The following RIOX2 variants were observed in gnomAD, a reference collection of about 807,000 sequenced individuals.
The protein encoded by RIOX2 is 60S ribosomal protein L27a histidine hydroxylase.
A neutral mutation model predicts 51.2 loss-of-function variants in RIOX2; 43 were observed. The observed-to-expected ratio is 0.84, with a 90% CI of 0.66 to 1.08. The LOEUF (loss-of-function observed/expected upper bound fraction) is 1.08, where lower values mean the gene tolerates loss of function less well. RIOX2 is among the 50% of genes least tolerant of loss of function. The pLI, the probability that RIOX2 is intolerant of heterozygous loss-of-function variation, is 0.00. For missense variants in RIOX2, 566 were observed against 561.7 expected, an observed-to-expected ratio of 1.01 and a Z score of -0.08; for synonymous variants, 226 against 218.5, an observed-to-expected ratio of 1.03 and a Z score of -0.30.
intron 8 of RIOX2, among the ~76,000 whole-genome samples, chr3:97,946,335 T>C (rs1239453619): frequency 6.6e-6 from 1 of 151,930 alleles, no homozygotes; most frequent in Admixed American, 6.6e-5. Flanking sequence ...TCCTGAGAAA[T>C]ACCAGCTGTG....
rs1460200073 is a variant in RIOX2 at position 97,942,463 on chromosome 3, C to T, written c.*2721G>A. The T allele has an allele frequency of 6.3e-7, 1 of 1,591,060 alleles. No homozygotes were observed. Reference sequence around the variant, plus strand: ...TTAAAGGTGGGCCTTTGATGATACCCAATGTTGTGTCCCTGGATATTAGTT... The same window carrying T: ...TTAAAGGTGGGCCTTTGATGATACCTAATGTTGTGTCCCTGGATATTAGTT... On this transcript the variant is annotated 3_prime_UTR_variant, in exon 10 of 10. Transcript: ENST00000394198.
chr3:97,967,429 G>A lies in RIOX2; in HGVS notation c.165C>T (p.Phe55=). The part of the protein sequence containing the change: ...LISPIKTETF[F]KEFWEQKPLL... The stretch of plus-strand genomic sequence containing the variant: ...GGGGCTTCTGCTCCCAGAATTCCTT[G>A]AAAAAAGTCTCTGTCTTGATGGGCG... Residue 55 remains phenylalanine (F), a synonymous_variant, in exon 2 of 10, where the codon TTC becomes TTT. Coordinates refer to ENST00000394198, the MANE Select transcript of RIOX2 (RefSeq NM_153182.4). 1.2e-6 allele frequency: 2 copies of A among 1,613,870 alleles called. No homozygotes were observed. Among genetic ancestry groups the A allele is most frequent in the Non-Finnish European group, 1.7e-6 (2 of 1,179,958 alleles).
intron 4 of RIOX2, 78 bp from the exon 5 acceptor site, chr3:97,954,573 A>C: frequency 8.4e-7 from 1 of 1,195,658 alleles, no homozygotes. Context: ...GGAGATAAAT[A>C]TGGGCTTTGA....
chr3:97,947,425 C>T lies in RIOX2; in HGVS notation c.1085G>A (p.Ser362Asn). 1.2e-6 allele frequency: 2 copies of T among 1,613,476 alleles called. No homozygotes were observed. Among genetic ancestry groups the T allele is most frequent in the Non-Finnish European group, 1.7e-6 (2 of 1,179,532 alleles). The change falls in exon 8 of 10, where the codon AGT (serine) becomes AAT (asparagine). Residue 362 changes from serine (S) to asparagine (N), a missense_variant. Transcript: ENST00000394198. ...GTCTTTAAACTGCAGTCTCACTACA[C>T]TGTCCAGCCTCGGTAACTTTCCACC... ...TPGGKLPRLDSVVRLQFKDHI... is the reference protein window; with the variant it reads ...TPGGKLPRLDNVVRLQFKDHI...
At position 97,950,906 on chromosome 3, in the gene RIOX2, G is replaced by C. The variant is rs769424893; in HGVS notation, c.786-18C>G. ...CCCATGAACTAGGATATGCACCAAGGGGGAAAAAAAAACCAAAACAGTGAG... is the reference window on the plus strand; with the variant it reads ...CCCATGAACTAGGATATGCACCAAGCGGGAAAAAAAAACCAAAACAGTGAG... On this transcript the variant is annotated intron_variant, in intron 5 of 9. Coordinates refer to ENST00000394198, the MANE Select transcript of RIOX2 (RefSeq NM_153182.4). The C allele has an allele frequency of 5.7e-6, 9 of 1,590,446 alleles. No homozygotes were observed. The South Asian group carries it at 1.0e-4, about 18-fold the overall frequency.
chr3:97,960,996 A>T (rs952232641), intron 3 of RIOX2, among the ~76,000 whole-genome samples: 2 of 152,216 alleles, frequency 1.3e-5, no homozygotes, highest in Non-Finnish European at 2.9e-5. Flanking sequence ...GGGACTTTTT[A>T]CCAATAACTC....
chr3:97,967,727 C>G (rs1039534523), intron 1 of RIOX2, 95 bp from the exon 2 acceptor site: 12 of 874,388 alleles, frequency 1.4e-5, no homozygotes, highest in Middle Eastern at 2.5e-4. Flanking sequence ...ATGACCATTA[C>G]ACCTTCGTGA....
intron 4 of RIOX2, among the ~76,000 whole-genome samples, chr3:97,955,273 G>A (rs2107159888): frequency 6.6e-6 from 1 of 152,044 alleles, no homozygotes; most frequent in South Asian, 2.1e-4. Context: ...CATTTTCTTG[G>A]GCAGCTGAGC....
At chr3:97,961,809 C>G (rs779046887) in intron 2 of RIOX2, 101 bp from the exon 3 acceptor site, 40 of 1,277,338 alleles carry the variant, frequency 3.1e-5, no homozygotes, top group Non-Finnish European at 4.0e-5. Context: ...GAAGTCTTTA[C>G]TGCACAACTA....
chr3:97,967,036 C>T, intron 2 of RIOX2, 126 bp downstream of exon 2: 2 of 951,278 alleles, frequency 2.1e-6, no homozygotes, highest in Admixed American at 4.5e-5. Context: ...CAAAGAGGTG[C>T]TACCCCTTCT....
chr3:97,947,125 C>T (rs559602531), intron 8 of RIOX2, among the ~76,000 whole-genome samples: 36 of 152,094 alleles, frequency 2.4e-4, no homozygotes, highest in African/African-American at 7.7e-4. Flanking sequence ...AAGCAAAGAC[C>T]AGACATTAAT....
At chr3:97,951,415 C>T (rs959973439) in intron 5 of RIOX2, among the ~76,000 whole-genome samples, 1 of 152,066 alleles carries the variant, frequency 6.6e-6, no homozygotes, top group African/African-American at 2.4e-5. Flanking sequence ...AAATATCTAC[C>T]ATCAATAATT....
In RIOX2 at chr3:97,961,607, G is replaced by A; in HGVS notation, c.534C>T (p.Pro178=). 3.1e-6 allele frequency: 5 copies of A among 1,603,716 alleles called. No individual in the cohort carries two copies. Among genetic ancestry groups the A allele is most frequent in the Non-Finnish European group, 4.2e-6 (5 of 1,177,382 alleles). ...CTCTTACCTCGACATCATCATAATG[G>A]GGCGGCAGGCCCTGAGATCCTGCGG... The part of the protein sequence containing the change: ...ITPAGSQGLP[P]HYDDVEVFIL... The change falls in exon 3 of 10, where the codon CCC becomes CCT. Residue 178 remains proline (P), a synonymous_variant. Transcript: ENST00000394198.
rs1485093038 is a variant in RIOX2 at position 97,949,880 on chromosome 3, A to G, written c.1024T>C (p.Tyr342His). The change falls in exon 7 of 10, where the codon TAC becomes CAC. Residue 342 changes from tyrosine to histidine, a missense_variant. By Grantham distance (83) the Tyr-to-His change is moderately conservative. Coordinates refer to ENST00000394198, the MANE Select transcript of RIOX2 (RefSeq NM_153182.4). ...KDFIMHRLPP[Y>H]SAGDGAELST... ...AGCTCTGCCCCATCTCCCGCAGAGT[A>G]AGGGGGGAGTCTGTGCATAATAAAA... 1.9e-6 allele frequency: 3 copies of G among 1,613,556 alleles called. No individual in the cohort carries two copies. Among genetic ancestry groups the G allele is most frequent in the Middle Eastern group, 3.3e-4 (2 of 6,026 alleles).
intron 4 of RIOX2, among the ~76,000 whole-genome samples, chr3:97,955,147 A>G (rs906202039): frequency 2.0e-5 from 3 of 152,108 alleles, no homozygotes; most frequent in Non-Finnish European, 2.9e-5. Context: ...TCTTTCCCAG[A>G]GCCTACCCTA....
In RIOX2 at chr3:97,954,397, C is replaced by G; in HGVS notation, c.780G>C (p.Gln260His). The change falls in exon 5 of 10, where the codon CAG becomes CAC. Residue 260 changes from glutamine (Q) to histidine (H), a missense_variant. Coordinates refer to ENST00000394198, the MANE Select transcript of RIOX2 (RefSeq NM_153182.4). ...AGCTGGGAGGCAGTGTTTACTTGTT[C>G]TGGTAGGTGCTGATGGTCACGTGAG... ...HSTHVTISTY[Q>H]NNSWGDFLLD... The G allele has an allele frequency of 6.2e-7, 1 of 1,611,436 alleles. No individual in the cohort carries two copies. The highest frequency in any genetic ancestry group is 8.5e-7 in the Non-Finnish European group (1 of 1,177,646).
At chr3:97,964,490 G>A (rs1170787520) in intron 2 of RIOX2, among the ~76,000 whole-genome samples, 2 of 151,370 alleles carry the variant, frequency 1.3e-5, no homozygotes, top group Non-Finnish European at 2.9e-5. Flanking sequence ...GGAGTTCAAG[G>A]CCAGCCTGGC....
At chr3:97,958,551 T>A (rs1705541303) in intron 4 of RIOX2, among the ~76,000 whole-genome samples, 1 of 152,178 alleles carries the variant, frequency 6.6e-6, no homozygotes, top group African/African-American at 2.4e-5. Context: ...TTCTGGTAAC[T>A]ATGCAGGGGG....
intron 8 of RIOX2, among the ~76,000 whole-genome samples, chr3:97,946,604 A>ATATATATATATATATATATATATCTATC (rs1553712244): frequency 1.4e-5 from 2 of 139,718 alleles, no homozygotes; most frequent in African/African-American, 5.4e-5. Context: ...ATATATATAT[A>ATATATATATATATATATATATATCTATC]TATCTATTCA....
Sources: gnomAD v4.1 joint callset for allele counts (sites outside exome capture counted in the v4.1 genomes callset) on GRCh38, gnomAD v4.1.1 for gene constraint, MANE v1.5 for transcripts, NCBI Gene and HGNC (gene_info 2026-07-23, HGNC 2026-07-21) for gene names.